FAM107A: variants seen among roughly 807,000 people sequenced by gnomAD.
The protein encoded by FAM107A is actin-associated protein FAM107A.
FAM107A carries 19 observed loss-of-function variants against 13.7 expected under a neutral mutation model. The ratio of observed to expected loss-of-function variants is 1.38; its 90% confidence interval spans 0.97 to 2.03. FAM107A has a LOEUF of 2.03. FAM107A is among the 30% of genes most tolerant of loss of function. FAM107A has a pLI of 0.00. For synonymous variants in FAM107A, 82 were observed against 74.5 expected (o/e 1.10, Z -0.52); for missense variants, 203 against 184.4 (o/e 1.10, Z -0.58).
In FAM107A at chr3:58,567,757, C is replaced by G. The variant is rs576309796; in HGVS notation, c.171-393G>C. 3.5e-4 allele frequency among the ~76,000 whole-genome samples: 53 copies of G among 152,334 alleles called. No homozygotes were observed. In the South Asian group the frequency reaches 0.011, roughly 32 times the overall value. On this transcript the variant is annotated intron_variant, in intron 2 of 3. Transcript: ENST00000360997. ...GAAAGGTTATCCAGTGTATCCTCCT[C>G]TGAACAGTGTACAAGAGCATCTATT...
chr3:58,612,894 GTTTA>G (rs2065867314), intron 1 of FAM107A, among the ~76,000 whole-genome samples: 1 of 151,822 alleles, frequency 6.6e-6, no homozygotes, highest in Non-Finnish European at 1.5e-5. Flanking sequence ...TTGGAGTCAT[GTTTA>G]TTTTTATTGT....
intron 1 of FAM107A, chr3:58,586,768 A>G: frequency 1.5e-6 from 2 of 1,306,298 alleles, no homozygotes; most frequent in South Asian, 3.3e-5. Context: ...AGAGGCGCCC[A>G]GCGGCGGACT....
intron 1 of FAM107A, among the ~76,000 whole-genome samples, chr3:58,602,092 C>T (rs2108071851): frequency 6.6e-6 from 1 of 152,216 alleles, no homozygotes. Context: ...CAGGAAGCTG[C>T]TGAGTCTGTG....
In FAM107A at chr3:58,566,695, G is replaced by T; in HGVS notation, c.328C>A (p.Leu110Met). ...LLRRQQRLNQ[L>M]EKPPEKEEDH... is the part of the protein sequence containing the mutation. ...TCTTCCTTCTCTGGTGGTTTTTCCA[G>T]CTGAAGGAGGGAGAAGCAGAGAGTG... The change falls in exon 4 of 4, where the codon CTG becomes ATG. Residue 110 changes from leucine (L) to methionine (M), a missense_variant and splice_region_variant. By Grantham distance (15) the Leu-to-Met change is conservative. Transcript: ENST00000360997. 6.2e-7 allele frequency: 1 copy of T among 1,610,248 alleles called. No homozygotes were observed. Among genetic ancestry groups the T allele is most frequent in the South Asian group, 1.1e-5 (1 of 91,010 alleles).
upstream of FAM107A, chr3:58,577,462 G>T: frequency 2.0e-6 from 2 of 985,368 alleles, no homozygotes; most frequent in Non-Finnish European, 2.4e-6. The surrounding 1 kb of genome is among the most constrained non-coding windows in gnomAD (Gnocchi z 4.9). Flanking sequence ...CAACAAGTGA[G>T]ACAGCCTTTG....
At chr3:58,612,561 CAG>C (rs755289026) in intron 1 of FAM107A, among the ~76,000 whole-genome samples, 37 of 147,186 alleles carry the variant, frequency 2.5e-4, no homozygotes, top group South Asian at 4.3e-4. Flanking sequence ...GCCTGGGTGA[CAG>C]AGAGAGAGAG....
intron 1 of FAM107A, among the ~76,000 whole-genome samples, chr3:58,593,717 A>G (rs2065674264): frequency 6.6e-6 from 1 of 152,040 alleles, no homozygotes. Flanking sequence ...TCCTTAGCGA[A>G]CAATTGCTGG....
At chr3:58,608,583 A>G (rs983588826) in intron 1 of FAM107A, among the ~76,000 whole-genome samples, 4 of 152,230 alleles carry the variant, frequency 2.6e-5, no homozygotes, top group African/African-American at 9.6e-5. Context: ...CTGGGGCCAA[A>G]GTCCCACAGC....
In FAM107A at chr3:58,569,381, T is replaced by C. The variant is rs1410492250; in HGVS notation, c.170+310A>G. On this transcript the variant is annotated intron_variant, in intron 2 of 3. Transcript: ENST00000360997. This position sits in a 1 kb window ranked among gnomAD's most constrained non-coding sequence, Gnocchi z 5.7. ...GAGGACAGGAACTGGGTCCCATTCATTCTTGTATCCCCAGGTCTGGGCTCA... is the reference window on the plus strand; with the variant it reads ...GAGGACAGGAACTGGGTCCCATTCACTCTTGTATCCCCAGGTCTGGGCTCA... Among the ~76,000 whole-genome samples, 1 of 152,190 alleles carries C rather than the reference T, an allele frequency of 6.6e-6. No homozygotes were observed. Among genetic ancestry groups the C allele is most frequent in the Admixed American group, 6.5e-5 (1 of 15,282 alleles).
exon 1 of FAM107A, chr3:58,627,572 C>T (rs1234925371): frequency 6.6e-6 from 1 of 152,598 alleles, no homozygotes; most frequent in East Asian, 1.9e-4. Context: ...GGGGCTCTCC[C>T]ACAGCAGATA....
upstream of FAM107A, among the ~76,000 whole-genome samples, chr3:58,579,799 G>A (rs3749291): frequency 0.43 from 65,309 of 151,640 alleles, 14,597 homozygotes; most frequent in East Asian, 0.51. Context: ...GAACTGGGCA[G>A]TAGTCCTCGG....
rs1198694994 is a variant in FAM107A at position 58,577,283 on chromosome 3, A to G, written c.-6+26T>C. 9 of 980,416 alleles carry G rather than the reference A, an allele frequency of 9.2e-6. No individual in the cohort carries two copies. The highest frequency in any genetic ancestry group is 1.1e-5 in the Non-Finnish European group (9 of 825,488). 60.7% of individuals were successfully genotyped at this position (980,416 alleles called of 1,614,324 possible). A position where few individuals can be genotyped will look rare whatever the true frequency, so the allele number is the denominator to read the frequency against. Reference sequence around the variant, plus strand: ...CGAACGGCACCGCTCTCAACAGCAGATGAAACAGAACAGAGATGGTCTTAC... The same window carrying G: ...CGAACGGCACCGCTCTCAACAGCAGGTGAAACAGAACAGAGATGGTCTTAC... On this transcript the variant is annotated intron_variant, in intron 1 of 3. Transcript: ENST00000360997. The surrounding 1 kb of genome is among the most constrained non-coding windows in gnomAD (Gnocchi z 4.9).
At chr3:58,573,950 C>T (rs1202044001) in intron 1 of FAM107A, among the ~76,000 whole-genome samples, 1 of 152,208 alleles carries the variant, frequency 6.6e-6, no homozygotes, top group Non-Finnish European at 1.5e-5. Context: ...TAGAATCCTC[C>T]TCCATGAACT....
chr3:58,608,467 G>A (rs1044386497), intron 1 of FAM107A, among the ~76,000 whole-genome samples: 1 of 152,136 alleles, frequency 6.6e-6, no homozygotes, highest in African/African-American at 2.4e-5. Flanking sequence ...CCTTATCTAT[G>A]GAATAACAAT....
chr3:58,573,665 T>G (rs2063706307), intron 1 of FAM107A: 1 of 152,468 alleles, frequency 6.6e-6, no homozygotes, highest in African/African-American at 2.4e-5. Flanking sequence ...GTGGCTTGTT[T>G]GTATTCTTCA....
upstream of FAM107A, among the ~76,000 whole-genome samples, chr3:58,591,559 T>C (rs1693569986): frequency 6.6e-6 from 1 of 152,122 alleles, no homozygotes; most frequent in Non-Finnish European, 1.5e-5. The surrounding 1 kb of genome is among the most constrained non-coding windows in gnomAD (Gnocchi z 4.3). Flanking sequence ...AAGCCATGGC[T>C]TCTCTCAGCT....
At chr3:58,616,318 T>C (rs1014531685) in intron 1 of FAM107A, among the ~76,000 whole-genome samples, 2 of 152,064 alleles carry the variant, frequency 1.3e-5, no homozygotes, top group Non-Finnish European at 2.9e-5. Flanking sequence ...CCGAGAAGAA[T>C]GTCCACCAAG....
rs189619008 is a variant in FAM107A at position 58,617,768 on chromosome 3, T to C, written c.-70+9648A>G. Reference sequence around the variant, plus strand: ...CTCTTCAGTGCTACTCCCAGGGGAGTGGAGCCACTACCTACTATTAACTCT... The same window carrying C: ...CTCTTCAGTGCTACTCCCAGGGGAGCGGAGCCACTACCTACTATTAACTCT... On this transcript the variant is annotated intron_variant, in intron 1 of 3. Coordinates refer to the FAM107A transcript ENST00000465970. The surrounding 1 kb of genome is among the most constrained non-coding windows in gnomAD (Gnocchi z 4.5). 5.3e-5 allele frequency among the ~76,000 whole-genome samples: 8 copies of C among 152,104 alleles called. No homozygotes were observed. The highest frequency in any genetic ancestry group is 1.7e-4 in the African/African-American group (7 of 41,484).
In FAM107A at chr3:58,566,934, T is replaced by G. The variant is rs2063627693; in HGVS notation, c.328-239A>C. 9.9e-6 allele frequency: 6 copies of G among 607,748 alleles called. No homozygotes were observed. The South Asian group carries it at 1.2e-4, about 12-fold the overall frequency. The allele number at this position is 607,748 out of a possible 1,614,324, so 37.6% of individuals were successfully genotyped here. A position where few individuals can be genotyped will look rare whatever the true frequency, so the allele number is the denominator to read the frequency against. On this transcript the variant is annotated intron_variant, in intron 3 of 3. Transcript: ENST00000360997. Reference sequence around the variant, plus strand: ...AGCTTCCCCATCTCTAAAATGGGAATGCCACCTGGCTCACAAGACAGTTAT... The same window carrying G: ...AGCTTCCCCATCTCTAAAATGGGAAGGCCACCTGGCTCACAAGACAGTTAT...
Sources: allele counts gnomAD v4.1 joint callset (sites outside exome capture counted in the v4.1 genomes callset), GRCh38; gene constraint gnomAD v4.1.1; non-coding constraint Gnocchi (gnomAD v3.1); transcripts MANE v1.5; gene names NCBI Gene and HGNC (gene_info 2026-07-23, HGNC 2026-07-21).